Variants in BRD4 observed in about 807,000 individuals in gnomAD.
BRD4 encodes the protein bromodomain containing 4, also known as bromodomain-containing protein 4.
In BRD4, 16 loss-of-function variants were observed where a neutral mutation model predicts 142.1. The ratio of observed to expected loss-of-function variants is 0.11; its 90% CI spans 0.08 to 0.17. The LOEUF (loss-of-function observed/expected upper bound fraction) is 0.17. Ranked by LOEUF, BRD4 falls within the 10% of genes least tolerant of loss-of-function variation. BRD4 has a pLI of 1.00. For missense variants in BRD4, 1,424 were observed against 1,810.9 expected (o/e 0.79, Z 3.88); for synonymous variants, 833 against 707.5 (o/e 1.18, Z -2.82).
rs71176403 is a variant in BRD4, at chr19:15,327,918, TGGG to T, written c.-35+4369_-35+4371del. ...GGAATGATAGGTAATGGATTTCTTT[TGGG>T]GGGGGGGGGTGGAAATGTCCTAAAA... On this transcript the variant is annotated intron_variant, in intron 1 of 19. Transcript: ENST00000679869. Among the ~76,000 whole-genome samples the T allele has an allele frequency of 8.4e-4, 15 of 17,840 alleles. 2 individuals are homozygous for T. The highest frequency in any genetic ancestry group is 4.0e-4 in the Non-Finnish European group (4 of 9,932). 11.7% of individuals were successfully genotyped at this position (17,840 alleles called of 152,430 possible).
At chr19:15,263,094 G>C (rs1599461609) in intron 7 of BRD4, among the ~76,000 whole-genome samples, 1 of 152,176 alleles carries the variant, frequency 6.6e-6, no homozygotes, top group Non-Finnish European at 1.5e-5. Context: ...TTCTCGGCAA[G>C]AGTGCCCCCC....
intron 1 of BRD4, among the ~76,000 whole-genome samples, chr19:15,287,029 T>C (rs2047745103): frequency 6.6e-6 from 1 of 152,210 alleles, no homozygotes; most frequent in South Asian, 2.1e-4. Flanking sequence ...CTACCACTTT[T>C]ATCACCCACA....
In BRD4 at chr19:15,243,414, G is replaced by A. The variant is rs1219504773; in HGVS notation, c.2655C>T (p.Ala885=). Residue 885 remains alanine (A), a synonymous_variant, in exon 14 of 20, where the codon GCC becomes GCT. Transcript: ENST00000679869. The stretch of plus-strand genomic sequence containing the variant: ...AGGCTGGTGACACGGCTGGGGGCCG[G>A]GCGGGCTTGGGAGGCAGGGCAGCGG... The part of the protein sequence containing the change: ...NRAAALPPKP[A]RPPAVSPALT... The A allele has an allele frequency of 1.3e-6, 2 of 1,568,700 alleles. No homozygotes were observed. Among genetic ancestry groups the A allele is most frequent in the Non-Finnish European group, 1.7e-6 (2 of 1,160,052 alleles).
intron 1 of BRD4, among the ~76,000 whole-genome samples, chr19:15,285,482 T>C (rs532192845): frequency 6.6e-6 from 1 of 152,208 alleles, no homozygotes; most frequent in East Asian, 1.9e-4. Context: ...GGAGGATCGC[T>C]TGAGCCTGGG....
chr19:15,251,766 G>A (rs1169817193), intron 11 of BRD4, among the ~76,000 whole-genome samples: 2 of 152,202 alleles, frequency 1.3e-5, no homozygotes, highest in Non-Finnish European at 2.9e-5. Context: ...GAGAGGAGAA[G>A]CACCCTGCCG....
At position 15,244,693 on chromosome 19, in the gene BRD4, C is replaced by T. The variant is rs2047270120; in HGVS notation, c.2211+17G>A. 1 of 1,614,112 alleles carries T rather than the reference C, an allele frequency of 6.2e-7. No individual in the cohort carries two copies. The highest frequency in any genetic ancestry group is 1.7e-5 in the Admixed American group (1 of 60,016). ...CCAACGTCCCACCTAATGAAGGATG[C>T]CCCTGAGCCCATGTACCTTCTTCTG... On this transcript the variant is annotated intron_variant, in intron 12 of 19. Coordinates refer to ENST00000679869, the MANE Select transcript of BRD4 (RefSeq NM_001379291.1).
intron 1 of BRD4, among the ~76,000 whole-genome samples, chr19:15,281,989 G>C (rs1004593867): frequency 6.6e-6 from 1 of 152,188 alleles, no homozygotes; most frequent in Admixed American, 6.5e-5. Context: ...CTGCACTCCA[G>C]CCTGGGCAAC....
intron 1 of BRD4, among the ~76,000 whole-genome samples, chr19:15,327,605 T>G (rs372298314): frequency 4.6e-5 from 7 of 151,986 alleles, no homozygotes; most frequent in African/African-American, 1.5e-4. Context: ...TATTCACAAT[T>G]GCCAAAAAGT....
intron 1 of BRD4, among the ~76,000 whole-genome samples, chr19:15,302,092 AGCAG>A (rs2145689574): frequency 6.6e-6 from 1 of 151,256 alleles, no homozygotes; most frequent in East Asian, 2.0e-4. Flanking sequence ...GCTTGAACCC[AGCAG>A]GCAGAGGTTG....
intron 11 of BRD4, among the ~76,000 whole-genome samples, chr19:15,246,115 G>T (rs1366800606): frequency 6.6e-6 from 1 of 152,202 alleles, no homozygotes; most frequent in Non-Finnish European, 1.5e-5. Context: ...GGGGACACGG[G>T]GGAACCTGGG....
intron 9 of BRD4, 142 bp from the exon 10 acceptor site, chr19:15,255,734 G>T: frequency 8.8e-7 from 1 of 1,134,556 alleles, no homozygotes; most frequent in Non-Finnish European, 1.2e-6. Flanking sequence ...CGGGGCATGG[G>T]CAACTCAATC....
rs539625022 is a variant in BRD4, at chr19:15,305,187, G to A, written c.-35+27103C>T. 5.9e-5 allele frequency among the ~76,000 whole-genome samples: 9 copies of A among 152,036 alleles called. 1 individual carries two copies. In the South Asian group the frequency reaches 1.9e-3, roughly 32 times the overall value. ...CCACCTCAGCCTCCCAAGTAGCCAG[G>A]CAGGAGCCACCACGCCTGGCTAATT... On this transcript the variant is annotated intron_variant, in intron 1 of 19. Transcript: ENST00000679869.
intron 1 of BRD4, among the ~76,000 whole-genome samples, chr19:15,310,380 C>CCCCA (rs1215996476): frequency 3.0e-4 from 8 of 26,812 alleles, no homozygotes; most frequent in African/African-American, 9.4e-4. Flanking sequence ...CCCCCCCCCC[C>CCCCA]GAAGGAGTCT....
In BRD4 at chr19:15,239,147, G is replaced by T. The variant is rs777608829; in HGVS notation, c.3694C>A (p.Arg1232=). The T allele has an allele frequency of 3.7e-6, 6 of 1,611,970 alleles. No homozygotes were observed. Among genetic ancestry groups the T allele is most frequent in the East Asian group, 2.2e-5 (1 of 44,886 alleles). Residue 1232 remains arginine (R), a synonymous_variant, in exon 18 of 20, where the codon CGG becomes AGG. Coordinates refer to ENST00000679869, the MANE Select transcript of BRD4 (RefSeq NM_001379291.1). This position sits in a 1 kb window ranked among gnomAD's most constrained non-coding sequence, Gnocchi z 7.4. ...DSFEQFRRAA[R]EKEEREKALK... is the part of the protein sequence containing the mutation. ...GCCTTCTCACGCTCCTCTTTCTCCC[G>T]AGCGGCGCGGCGGAACTGCTCGAAG... is the stretch of plus-strand genomic sequence containing the variant.
intron 1 of BRD4, among the ~76,000 whole-genome samples, chr19:15,302,600 C>CG (rs2047878577): frequency 8.3e-6 from 1 of 120,016 alleles, no homozygotes; most frequent in African/African-American, 3.2e-5. Flanking sequence ...GCCCAGGAGG[C>CG]GGAAGTTGCA....
chr19:15,324,485 G>A (rs895736787), intron 1 of BRD4, among the ~76,000 whole-genome samples: 1 of 152,206 alleles, frequency 6.6e-6, no homozygotes, highest in Non-Finnish European at 1.5e-5. Flanking sequence ...CTCCCAGTCA[G>A]GACCTCCACA....
At chr19:15,245,522 G>A (rs548682720) in intron 11 of BRD4, among the ~76,000 whole-genome samples, 3 of 152,308 alleles carry the variant, frequency 2.0e-5, no homozygotes, top group Non-Finnish European at 2.9e-5. Context: ...CGTGTGGGCC[G>A]ACGGCTTGGC....
chr19:15,309,196 G>C (rs973092676), intron 1 of BRD4, among the ~76,000 whole-genome samples: 1 of 151,928 alleles, frequency 6.6e-6, no homozygotes, highest in African/African-American at 2.4e-5. Flanking sequence ...AGCCAGGCGT[G>C]GTGGTGGGCG....
intron 1 of BRD4, among the ~76,000 whole-genome samples, chr19:15,297,288 C>T (rs1010741976): frequency 6.6e-6 from 1 of 152,190 alleles, no homozygotes; most frequent in African/African-American, 2.4e-5. Context: ...CCAGGCTGCA[C>T]AGACTGCAGA....
Sources: allele counts gnomAD v4.1 joint callset (sites outside exome capture counted in the v4.1 genomes callset), GRCh38; gene constraint gnomAD v4.1.1; non-coding constraint Gnocchi (gnomAD v3.1); transcripts MANE v1.5; gene names NCBI Gene and HGNC (gene_info 2026-07-23, HGNC 2026-07-21).